The following NKAIN2 variants were observed in gnomAD, a reference collection of about 807,000 sequenced individuals.
The protein encoded by NKAIN2 is sodium/potassium transporting ATPase interacting 2.
A neutral mutation model predicts 32.6 loss-of-function variants in NKAIN2; 14 were observed. That is an observed-to-expected ratio of 0.43 (90% CI 0.28 to 0.67). NKAIN2 has a LOEUF of 0.67. Ranked by LOEUF, NKAIN2 falls within the 30% of genes least tolerant of loss-of-function variation. The pLI is 0.17. For missense variants in NKAIN2, 198 were observed against 258.3 expected (o/e 0.77, Z 1.60); for synonymous variants, 80 against 87.2 (o/e 0.92, Z 0.46).
chr6:123,863,549 T>C (rs1775870113), intron 1 of NKAIN2, among the ~76,000 whole-genome samples: 1 of 152,226 alleles, frequency 6.6e-6, no homozygotes, highest in Non-Finnish European at 1.5e-5. Flanking sequence ...TGTGATCAGA[T>C]GATCTCACTT....
At chr6:124,181,077 G>A (rs1014565116) in intron 1 of NKAIN2, among the ~76,000 whole-genome samples, 2 of 152,148 alleles carry the variant, frequency 1.3e-5, no homozygotes, top group Admixed American at 6.5e-5. Context: ...TGAAATCTAG[G>A]CAGAGGTTCC....
At chr6:124,539,828 CT>C in intron 3 of NKAIN2, among the ~76,000 whole-genome samples, 1 of 152,122 alleles carries the variant, frequency 6.6e-6, no homozygotes, top group South Asian at 2.1e-4. Context: ...TCAAGCAATT[CT>C]CCTGCCTCAG....
At chr6:124,564,443 T>G (rs1041970998) in intron 3 of NKAIN2, among the ~76,000 whole-genome samples, 5 of 151,794 alleles carry the variant, frequency 3.3e-5, no homozygotes, top group African/African-American at 1.2e-4. Context: ...GACCAATCAG[T>G]TGGACATGGG....
chr6:124,074,179 G>A (rs551473812), intron 1 of NKAIN2, among the ~76,000 whole-genome samples: 2 of 152,266 alleles, frequency 1.3e-5, no homozygotes, highest in Admixed American at 1.3e-4. Context: ...GGGATGAAAT[G>A]TTGCCCACCA....
intron 1 of NKAIN2, among the ~76,000 whole-genome samples, chr6:123,977,212 A>C (rs57323860): frequency 0.087 from 13,167 of 152,178 alleles, 1,383 homozygotes; most frequent in African/African-American, 0.25. Flanking sequence ...CTTAACATTA[A>C]CAGTAATATT....
At chr6:124,681,780 G>A (rs894183404) in intron 4 of NKAIN2, among the ~76,000 whole-genome samples, 2 of 152,052 alleles carry the variant, frequency 1.3e-5, no homozygotes, top group African/African-American at 4.8e-5. Flanking sequence ...GCTTCTATGT[G>A]AGAAAATCTT....
At chr6:124,656,090 A>G (rs1188315827) in intron 3 of NKAIN2, among the ~76,000 whole-genome samples, 1 of 152,146 alleles carries the variant, frequency 6.6e-6, no homozygotes, top group African/African-American at 2.4e-5. Context: ...TGCTTTGGTA[A>G]CCAAACATTA....
chr6:124,127,309 G>T (rs1786223268), intron 1 of NKAIN2, among the ~76,000 whole-genome samples: 1 of 152,194 alleles, frequency 6.6e-6, no homozygotes, highest in South Asian at 2.1e-4. Flanking sequence ...CGGTTCAGAG[G>T]GGAAGACTGA....
chr6:124,139,182 G>C (rs1037130702), intron 1 of NKAIN2, among the ~76,000 whole-genome samples: 1 of 136,404 alleles, frequency 7.3e-6, no homozygotes, highest in Non-Finnish European at 1.5e-5. Flanking sequence ...TCCGCTTCCC[G>C]GGTTCACGCC....
rs1392061655 is a variant in NKAIN2, at chr6:124,459,983, C to A, written c.273+104636C>A. On this transcript the variant is annotated intron_variant, in intron 3 of 6. Coordinates refer to ENST00000368417, the MANE Select transcript of NKAIN2 (RefSeq NM_001040214.3). ...GTCCTGACCTACTTTATATTGGATTCATGTTTCTTAATTCTCTTTACTGTT... is the reference window on the plus strand; with the variant it reads ...GTCCTGACCTACTTTATATTGGATTAATGTTTCTTAATTCTCTTTACTGTT... 2.6e-5 allele frequency among the ~76,000 whole-genome samples: 4 copies of A among 151,628 alleles called. No individual in the cohort carries two copies. The South Asian group carries it at 6.2e-4, about 24-fold the overall frequency.
chr6:124,784,966 G>C (rs1779433981), intron 4 of NKAIN2, among the ~76,000 whole-genome samples: 1 of 152,088 alleles, frequency 6.6e-6, no homozygotes. Context: ...GAATTAGTAA[G>C]TTTGTGTCCT....
chr6:124,269,169 G>C (rs1440909005), intron 1 of NKAIN2, among the ~76,000 whole-genome samples: 1 of 152,136 alleles, frequency 6.6e-6, no homozygotes, highest in Non-Finnish European at 1.5e-5. Context: ...TTCTAAAACT[G>C]ATAGAAAATA....
At chr6:124,278,321 C>T (rs932549839) in intron 1 of NKAIN2, among the ~76,000 whole-genome samples, 3 of 151,880 alleles carry the variant, frequency 2.0e-5, no homozygotes, top group African/African-American at 7.3e-5. Flanking sequence ...TAATTGGGCC[C>T]AGTTTTCTCA....
chr6:124,069,872 G>T (rs1215739501), intron 1 of NKAIN2, among the ~76,000 whole-genome samples: 1 of 152,146 alleles, frequency 6.6e-6, no homozygotes, highest in African/African-American at 2.4e-5. Flanking sequence ...TATAAAGGCT[G>T]ACCTCAGTTT....
intron 1 of NKAIN2, among the ~76,000 whole-genome samples, chr6:123,859,694 T>C (rs1462046274): frequency 6.6e-6 from 1 of 152,112 alleles, no homozygotes; most frequent in Non-Finnish European, 1.5e-5. Context: ...ATTTACTTTT[T>C]TTTGTTTGTT....
chr6:124,004,538 A>G (rs750971187), intron 1 of NKAIN2, among the ~76,000 whole-genome samples: 3 of 151,774 alleles, frequency 2.0e-5, no homozygotes, highest in African/African-American at 4.9e-5. Flanking sequence ...AAAGATTAAA[A>G]AAATTTTCAG....
intron 2 of NKAIN2, among the ~76,000 whole-genome samples, chr6:124,335,371 C>A (rs759521025): frequency 6.6e-5 from 10 of 152,056 alleles, no homozygotes; most frequent in Non-Finnish European, 1.3e-4. Context: ...ACTTTTAAAC[C>A]AAACACAATG....
chr6:124,003,771 C>T (rs749026620), intron 1 of NKAIN2, among the ~76,000 whole-genome samples: 15 of 152,106 alleles, frequency 9.9e-5, no homozygotes, highest in Non-Finnish European at 1.5e-4. Context: ...GCACTGCATT[C>T]TCAGGGCAGC....
intron 1 of NKAIN2, among the ~76,000 whole-genome samples, chr6:123,821,656 T>C (rs758975395): frequency 2.5e-4 from 38 of 152,114 alleles, no homozygotes; most frequent in Admixed American, 5.2e-4. Flanking sequence ...GGGAGGCCTA[T>C]AGTTTGAAAC....
Sources: allele counts gnomAD v4.1 joint callset (sites outside exome capture counted in the v4.1 genomes callset), GRCh38; gene constraint gnomAD v4.1.1; transcripts MANE v1.5; gene names NCBI Gene and HGNC (gene_info 2026-07-23, HGNC 2026-07-21).